Variants in SMYD3 observed in about 807,000 individuals in gnomAD.
SMYD3 encodes the protein SET and MYND domain containing 3, also known as histone-lysine N-methyltransferase SMYD3.
A neutral mutation model predicts 57.7 loss-of-function variants in SMYD3; 36 were observed. The ratio of observed to expected loss-of-function variants is 0.62; its 90% CI spans 0.48 to 0.82. SMYD3 has a LOEUF of 0.82. Among genes scored for constraint, SMYD3 ranks in the 40% least tolerant of loss-of-function variants. The pLI is 0.00. For missense variants in SMYD3, 515 were observed against 538.8 expected, an observed-to-expected ratio of 0.96 and a Z score of 0.44; for synonymous variants, 211 against 195.0, an observed-to-expected ratio of 1.08 and a Z score of -0.68.
At chr1:246,151,293 C>T (rs1302057035) in intron 5 of SMYD3, among the ~76,000 whole-genome samples, 1 of 151,556 alleles carries the variant, frequency 6.6e-6, no homozygotes, top group Non-Finnish European at 1.5e-5. Flanking sequence ...GCCCCACAGC[C>T]CCCTACTTTC....
intron 5 of SMYD3, among the ~76,000 whole-genome samples, chr1:246,249,876 C>T (rs1558349328): frequency 6.6e-6 from 1 of 152,210 alleles, no homozygotes; most frequent in Non-Finnish European, 1.5e-5. Flanking sequence ...TGATTTTGTA[C>T]TGTTTATATT....
At chr1:246,506,987 A>ACC in intron 1 of SMYD3, 67 bp downstream of exon 1, 15 of 634,662 alleles carry the variant, frequency 2.4e-5, no homozygotes, top group Admixed American at 1.2e-4. Context: ...CGGCCGCCCG[A>ACC]CGCCCCCCCC....
At chr1:246,360,069 G>A (rs1408698511) in intron 1 of SMYD3, among the ~76,000 whole-genome samples, 1 of 152,104 alleles carries the variant, frequency 6.6e-6, no homozygotes, top group Non-Finnish European at 1.5e-5. Flanking sequence ...AAGCCCCAAA[G>A]ACTCATCCAA....
At chr1:245,812,084 C>T (rs1277011423) in intron 10 of SMYD3, among the ~76,000 whole-genome samples, 1 of 152,074 alleles carries the variant, frequency 6.6e-6, no homozygotes, top group Non-Finnish European at 1.5e-5. Context: ...TGTTCGGTGG[C>T]TTGAGATTGG....
At chr1:246,301,674 C>A (rs1002259550) in intron 5 of SMYD3, among the ~76,000 whole-genome samples, 2 of 152,136 alleles carry the variant, frequency 1.3e-5, no homozygotes, top group Admixed American at 1.3e-4. Flanking sequence ...TACAATCCAG[C>A]TGGGGAGCAA....
chr1:246,271,127 T>A (rs1217283052), intron 5 of SMYD3, among the ~76,000 whole-genome samples: 2 of 152,208 alleles, frequency 1.3e-5, no homozygotes, highest in Admixed American at 1.3e-4. Flanking sequence ...AATGTCTACT[T>A]AAGTCCTTTG....
chr1:245,970,364 G>A (rs1434435739), intron 5 of SMYD3, among the ~76,000 whole-genome samples: 1 of 152,142 alleles, frequency 6.6e-6, no homozygotes, highest in African/African-American at 2.4e-5. Context: ...AACCCTAGAA[G>A]AAAACCTAGG....
intron 1 of SMYD3, among the ~76,000 whole-genome samples, chr1:246,497,501 G>A (rs2068381623): frequency 6.6e-6 from 1 of 152,160 alleles, no homozygotes; most frequent in Non-Finnish European, 1.5e-5. Context: ...GTCCACCAGA[G>A]GGAGCATCAC....
At chr1:246,335,239 T>C in intron 3 of SMYD3, 128 bp downstream of exon 3, 2 of 792,002 alleles carry the variant, frequency 2.5e-6, no homozygotes, top group African/African-American at 1.7e-5. Flanking sequence ...ACTCATTTTA[T>C]TGCAATATTT....
chr1:246,069,407 G>A lies in SMYD3; in HGVS notation c.532-139470C>T, dbSNP rs73137860. On this transcript the variant is annotated intron_variant, in intron 5 of 11. Coordinates refer to ENST00000490107, the MANE Select transcript of SMYD3 (RefSeq NM_001167740.2). ...AGAACAATACTGCCATGGTAATGAC[G>A]CTCCTCAGTTAGACAAAAATCTCAA... 9.7e-3 allele frequency among the ~76,000 whole-genome samples: 1,479 copies of A among 152,160 alleles called. 19 individuals carry two copies. The highest frequency in any genetic ancestry group is 0.033 in the African/African-American group (1,384 of 41,504).
intron 1 of SMYD3, among the ~76,000 whole-genome samples, chr1:246,413,041 C>T (rs1309973750): frequency 6.6e-6 from 1 of 152,088 alleles, no homozygotes; most frequent in African/African-American, 2.4e-5. Flanking sequence ...GTATAGACAC[C>T]TCCACCCTCA....
chr1:246,326,459 G>T, intron 5 of SMYD3: 1 of 634,320 alleles, frequency 1.6e-6, no homozygotes, highest in South Asian at 1.8e-5. Context: ...TAAACCCTCG[G>T]AATCATTTAA....
At chr1:245,820,517 T>C (rs2049102596) in intron 10 of SMYD3, among the ~76,000 whole-genome samples, 1 of 150,246 alleles carries the variant, frequency 6.7e-6, no homozygotes, top group African/African-American at 2.4e-5. Context: ...ACCACTCCTA[T>C]TCAACATAGT....
At chr1:245,895,314 G>GCACA (rs2053694082) in intron 8 of SMYD3, among the ~76,000 whole-genome samples, 1 of 152,086 alleles carries the variant, frequency 6.6e-6, no homozygotes, top group Admixed American at 6.5e-5. Flanking sequence ...GCACACGCAC[G>GCACA]CACACACTTC....
chr1:245,775,549 C>T, intron 10 of SMYD3, among the ~76,000 whole-genome samples: 1 of 150,992 alleles, frequency 6.6e-6, no homozygotes, highest in African/African-American at 2.5e-5. Context: ...TCCCTAATCT[C>T]AAGTACCCAG....
intron 5 of SMYD3, among the ~76,000 whole-genome samples, chr1:246,171,250 T>G (rs180715040): frequency 2.0e-4 from 31 of 152,354 alleles, no homozygotes; most frequent in African/African-American, 7.5e-4. Context: ...ATAAAAGATA[T>G]CAAGTTTATC....
At chr1:246,457,913 T>C (rs1237384137) in intron 1 of SMYD3, among the ~76,000 whole-genome samples, 2 of 152,234 alleles carry the variant, frequency 1.3e-5, no homozygotes, top group Non-Finnish European at 2.9e-5. Flanking sequence ...GGCCCTACTA[T>C]GTGACAGTCA....
intron 5 of SMYD3, among the ~76,000 whole-genome samples, chr1:245,966,468 C>G (rs1213067189): frequency 6.6e-6 from 1 of 152,068 alleles, no homozygotes; most frequent in Non-Finnish European, 1.5e-5. Flanking sequence ...GATGCCAGAC[C>G]CAATTTTGCT....
chr1:246,004,199 C>G (rs2059131971), intron 5 of SMYD3, among the ~76,000 whole-genome samples: 1 of 152,290 alleles, frequency 6.6e-6, no homozygotes, highest in South Asian at 2.1e-4. Flanking sequence ...CCAAAGAGAT[C>G]TACCAGAGAA....
Sources: allele counts gnomAD v4.1 joint callset (sites outside exome capture counted in the v4.1 genomes callset), GRCh38; gene constraint gnomAD v4.1.1; transcripts MANE v1.5; gene names NCBI Gene and HGNC (gene_info 2026-07-23, HGNC 2026-07-21).